The following RGS7BP variants were observed in gnomAD, a reference collection of about 807,000 sequenced individuals.
RGS7BP encodes regulator of G protein signaling 7-binding protein.
Under a neutral mutation model 31.3 loss-of-function variants are expected in RGS7BP, and 9 were observed. That is an observed-to-expected ratio of 0.29 (90% CI 0.17 to 0.50). RGS7BP has a LOEUF of 0.50. RGS7BP is among the 20% of genes least tolerant of loss of function. The probability of loss-of-function intolerance (pLI) is 0.98; values close to 1 mark genes in which losing one functional copy is unlikely to be tolerated. For missense variants in RGS7BP, 274 were observed against 322.0 expected, an observed-to-expected ratio of 0.85 and a Z score of 1.14; for synonymous variants, 115 against 120.1, an observed-to-expected ratio of 0.96 and a Z score of 0.28.
In RGS7BP at chr5:64,572,621, A is replaced by C. The variant is rs75479354; in HGVS notation, c.333-3153A>C. On this transcript the variant is annotated intron_variant, in intron 2 of 5. Transcript: ENST00000334025. ...GAGTGTATATGTGACTTTGTTAACCAGAAGATTTATGATGCAACCTTAGCA... is the reference window on the plus strand; with the variant it reads ...GAGTGTATATGTGACTTTGTTAACCCGAAGATTTATGATGCAACCTTAGCA... Among the ~76,000 whole-genome samples, 3 of 152,226 alleles carry C rather than the reference A, an allele frequency of 2.0e-5. No homozygotes were observed. In the South Asian group the frequency reaches 6.2e-4, roughly 32 times the overall value.
intron 2 of RGS7BP, among the ~76,000 whole-genome samples, chr5:64,551,388 G>C (rs543606893): frequency 6.6e-6 from 1 of 150,648 alleles, no homozygotes; most frequent in Non-Finnish European, 1.5e-5. Context: ...TCAGCCTCCC[G>C]AGTGGCTGGG....
chr5:64,539,744 C>T (rs1741479065), intron 2 of RGS7BP: 1 of 152,124 alleles, frequency 6.6e-6, no homozygotes, highest in African/African-American at 2.4e-5. Flanking sequence ...GGAATCGCAC[C>T]TGTGAATAGC....
intron 2 of RGS7BP, among the ~76,000 whole-genome samples, chr5:64,556,201 G>GA (rs1450501826): frequency 7.9e-5 from 12 of 151,804 alleles, no homozygotes; most frequent in Non-Finnish European, 1.6e-4. Context: ...GGTATCAAAT[G>GA]ATATATCTCA....
chr5:64,530,363 G>T (rs1457435067), intron 2 of RGS7BP, among the ~76,000 whole-genome samples: 1 of 152,172 alleles, frequency 6.6e-6, no homozygotes, highest in African/African-American at 2.4e-5. Flanking sequence ...ATATAGAAGA[G>T]ATATTATTGG....
At chr5:64,588,337 A>T (rs1742813843) in intron 3 of RGS7BP, among the ~76,000 whole-genome samples, 1 of 152,210 alleles carries the variant, frequency 6.6e-6, no homozygotes, top group African/African-American at 2.4e-5. Context: ...AATGCCTTGG[A>T]AAACAGAGAC....
At chr5:64,573,872 T>C (rs1402131249) in intron 2 of RGS7BP, among the ~76,000 whole-genome samples, 1 of 152,212 alleles carries the variant, frequency 6.6e-6, no homozygotes, top group Non-Finnish European at 1.5e-5. Context: ...TTATACAATA[T>C]ATACATGTAT....
At chr5:64,595,181 GA>G (rs1230352433) in intron 4 of RGS7BP, among the ~76,000 whole-genome samples, 1 of 152,162 alleles carries the variant, frequency 6.6e-6, no homozygotes. Flanking sequence ...CCTTGGAGGG[GA>G]AAAAGTCTAC....
At chr5:64,523,418 C>T (rs1310704216) in intron 2 of RGS7BP, among the ~76,000 whole-genome samples, 1 of 152,082 alleles carries the variant, frequency 6.6e-6, no homozygotes, top group African/African-American at 2.4e-5. Context: ...TATATGTTGG[C>T]CCATAGAAAA....
intron 2 of RGS7BP, among the ~76,000 whole-genome samples, chr5:64,530,071 C>G (rs1580400783): frequency 1.3e-5 from 2 of 152,154 alleles, no homozygotes; most frequent in Non-Finnish European, 2.9e-5. Context: ...TGAAGGATCA[C>G]CAGGTCAGGA....
chr5:64,567,149 G>A (rs1742190865), intron 2 of RGS7BP, among the ~76,000 whole-genome samples: 1 of 151,042 alleles, frequency 6.6e-6, no homozygotes, highest in Non-Finnish European at 1.5e-5. Context: ...TGTGCACCCA[G>A]AGGACCACCC....
intron 4 of RGS7BP, among the ~76,000 whole-genome samples, chr5:64,597,407 G>A (rs1383462811): frequency 1.3e-5 from 2 of 151,940 alleles, no homozygotes; most frequent in Non-Finnish European, 2.9e-5. Context: ...CTGTACCCAG[G>A]TGGGGTTGTT....
At chr5:64,581,588 G>T (rs1425467719) in intron 3 of RGS7BP, among the ~76,000 whole-genome samples, 5 of 152,198 alleles carry the variant, frequency 3.3e-5, no homozygotes, top group Admixed American at 6.5e-5. Context: ...CACTGCAGGG[G>T]TTAAGAATAT....
chr5:64,605,521 T>C (rs2111982360), intron 5 of RGS7BP, among the ~76,000 whole-genome samples: 1 of 152,278 alleles, frequency 6.6e-6, no homozygotes, highest in South Asian at 2.1e-4. Context: ...ACACATTTCC[T>C]TGGAGCTGAA....
intron 5 of RGS7BP, among the ~76,000 whole-genome samples, chr5:64,608,856 G>A (rs888640119): frequency 6.6e-6 from 1 of 152,004 alleles, no homozygotes; most frequent in African/African-American, 2.4e-5. Flanking sequence ...TTTAAGCAGT[G>A]GTTCTCAGCC....
rs562246997 is a variant in RGS7BP at position 64,574,293 on chromosome 5, T to C, written c.333-1481T>C. On this transcript the variant is annotated intron_variant, in intron 2 of 5. Coordinates refer to ENST00000334025, the MANE Select transcript of RGS7BP (RefSeq NM_001029875.3). ...GGGTGTGTATGTGTGTGTGTGTGTCTGGGTGTATGTGTCTGGGTGTGTGTA... is the reference window on the plus strand; with the variant it reads ...GGGTGTGTATGTGTGTGTGTGTGTCCGGGTGTATGTGTCTGGGTGTGTGTA... Among the ~76,000 whole-genome samples the C allele has an allele frequency of 3.9e-5, 6 of 152,012 alleles. 1 individual carries two copies. In the South Asian group the frequency reaches 1.2e-3, roughly 32 times the overall value.
chr5:64,574,975 A>T (rs1742382067), intron 2 of RGS7BP, among the ~76,000 whole-genome samples: 3 of 152,076 alleles, frequency 2.0e-5, no homozygotes, highest in Admixed American at 2.0e-4. Context: ...GATTTGTTTT[A>T]TTCAACACAT....
chr5:64,599,200 C>A (rs147918443), intron 5 of RGS7BP, among the ~76,000 whole-genome samples: 23 of 152,298 alleles, frequency 1.5e-4, no homozygotes, highest in Non-Finnish European at 2.4e-4. Context: ...CAGAGACTGA[C>A]GACATGTACA....
At chr5:64,560,541 T>TTG (rs1181530648) in intron 2 of RGS7BP, among the ~76,000 whole-genome samples, 1 of 104,222 alleles carries the variant, frequency 9.6e-6, no homozygotes, top group African/African-American at 4.1e-5. Context: ...GTTAATATCA[T>TTG]TGTATATATA....
intron 2 of RGS7BP, among the ~76,000 whole-genome samples, chr5:64,569,452 C>CT (rs1333825321): frequency 1.3e-5 from 2 of 151,030 alleles, no homozygotes; most frequent in Admixed American, 6.6e-5. Context: ...AACTGGGCTT[C>CT]TTTTTTTTTA....
Sources: gnomAD v4.1 joint callset for allele counts (sites outside exome capture counted in the v4.1 genomes callset) on GRCh38, gnomAD v4.1.1 for gene constraint, MANE v1.5 for transcripts, NCBI Gene and HGNC (gene_info 2026-07-23, HGNC 2026-07-21) for gene names.